PLCG2: variants seen among roughly 807,000 people sequenced by gnomAD.
PLCG2 encodes 1-phosphatidylinositol 4,5-bisphosphate phosphodiesterase gamma-2.
A neutral mutation model predicts 175.6 loss-of-function variants in PLCG2; 69 were observed. That is an observed-to-expected ratio of 0.39 (90% CI 0.32 to 0.48). PLCG2 has a LOEUF of 0.48. PLCG2 is among the 20% of genes least tolerant of loss of function. The pLI, the probability that PLCG2 is intolerant of heterozygous loss-of-function variation, is 0.91. For synonymous variants in PLCG2, 827 were observed against 624.0 expected, an observed-to-expected ratio of 1.33 and a Z score of -4.85; for missense variants, 1,798 against 1,650.9, an observed-to-expected ratio of 1.09 and a Z score of -1.54.
chr16:81,826,273 C>T (rs538336811), intron 2 of PLCG2, among the ~76,000 whole-genome samples: 58 of 152,322 alleles, frequency 3.8e-4, no homozygotes, highest in African/African-American at 1.3e-3. Flanking sequence ...GTGCTTCCCT[C>T]TGCCACGGCA....
intron 1 of PLCG2, among the ~76,000 whole-genome samples, chr16:81,781,599 C>T (rs543627784): frequency 1.4e-4 from 21 of 152,300 alleles, no homozygotes; most frequent in South Asian, 2.1e-4. Context: ...TTTACACTCT[C>T]ACTTGCAGTG....
intron 15 of PLCG2, 82 bp from the exon 16 acceptor site, chr16:81,907,603 G>C: frequency 1.2e-6 from 1 of 869,340 alleles, no homozygotes. Context: ...AGATGCTGGG[G>C]TGACGCCCTG....
At chr16:81,928,971 C>T (rs537504709) in intron 24 of PLCG2, 21 of 246,458 alleles carry the variant, frequency 8.5e-5, no homozygotes, top group African/African-American at 3.0e-4. Context: ...TGAAATGCAG[C>T]GTGGAGTTGG....
At chr16:81,787,135 G>C (rs1911005696) in intron 2 of PLCG2, among the ~76,000 whole-genome samples, 2 of 152,272 alleles carry the variant, frequency 1.3e-5, no homozygotes, top group South Asian at 4.1e-4. Context: ...CAATGTAACA[G>C]TTTAACTCCA....
intron 2 of PLCG2, among the ~76,000 whole-genome samples, chr16:81,793,500 G>C (rs1164685671): frequency 6.6e-6 from 1 of 152,170 alleles, no homozygotes; most frequent in African/African-American, 2.4e-5. Flanking sequence ...TTGAGGGCCT[G>C]GATGCGTCCA....
At chr16:81,923,727 C>G in intron 22 of PLCG2, 133 bp downstream of exon 22, 1 of 576,468 alleles carries the variant, frequency 1.7e-6, no homozygotes, top group East Asian at 2.8e-5. Flanking sequence ...TGTGTTAAGT[C>G]CCTTCTTAGG....
At chr16:81,743,349 T>A (rs1180369597) in intron 1 of PLCG2, among the ~76,000 whole-genome samples, 1 of 152,016 alleles carries the variant, frequency 6.6e-6, no homozygotes, top group African/African-American at 2.4e-5. Context: ...AGACCCTATC[T>A]CAAAAACAAA....
In PLCG2 at chr16:81,921,200, AAG is replaced by A. The variant is rs1302940832; in HGVS notation, c.2242_2243del (p.Asp748TyrfsTer16). The A allele has an allele frequency of 6.4e-7, 1 of 1,573,698 alleles. No homozygotes were observed. Among genetic ancestry groups the A allele is most frequent in the Admixed American group, 1.7e-5 (1 of 59,790 alleles). Reference sequence around the variant, plus strand: ...TCTTTCTTTCTTTTTTTTTCCAGGAAAGAGATATAAACTCCCTCTACGACGTC... The same window carrying A: ...TCTTTCTTTCTTTTTTTTTCCAGGAAAGATATAAACTCCCTCTACGACGTC... ...PELLERYNME[R>X]DINSLYDVSR... On this transcript the variant is annotated frameshift_variant, in exon 21 of 33. Coordinates refer to ENST00000564138, the MANE Select transcript of PLCG2 (RefSeq NM_002661.5). LOFTEE classifies it high-confidence loss of function.
chr16:81,915,458 G>A lies in PLCG2; in HGVS notation c.2054+2742G>A, dbSNP rs549005725. 2.1e-4 allele frequency among the ~76,000 whole-genome samples: 32 copies of A among 152,366 alleles called. 1 individual carries two copies. In the East Asian group the frequency reaches 2.3e-3, roughly 11 times the overall value. On this transcript the variant is annotated intron_variant, in intron 19 of 32. Transcript: ENST00000564138. Reference sequence around the variant, plus strand: ...GAAGCTGAGACCTCAGGCTGTGGCCGTGGCATCCACGCTCCAGGAGGATGG... The same window carrying A: ...GAAGCTGAGACCTCAGGCTGTGGCCATGGCATCCACGCTCCAGGAGGATGG...
chr16:81,777,931 C>T (rs756316394), upstream of PLCG2, among the ~76,000 whole-genome samples: 13 of 149,314 alleles, frequency 8.7e-5, no homozygotes, highest in Non-Finnish European at 1.6e-4. Flanking sequence ...GCAGGAGAAT[C>T]GCTTAAACCT....
chr16:81,796,194 C>G (rs1012920282), intron 2 of PLCG2, among the ~76,000 whole-genome samples: 1 of 152,230 alleles, frequency 6.6e-6, no homozygotes, highest in African/African-American at 2.4e-5. Flanking sequence ...ATGGTGATGT[C>G]TCTTAGACAG....
Position 81,858,219 on chromosome 16 carries a change from C to T in PLCG2, c.338-44C>T, listed in dbSNP as rs190085894. 3.0e-6 allele frequency: 4 copies of T among 1,350,404 alleles called. No homozygotes were observed. The Admixed American group carries it at 5.0e-5, about 17-fold the overall frequency. 83.7% of individuals were successfully genotyped at this position (1,350,404 alleles called of 1,614,324 possible). On this transcript the variant is annotated intron_variant, in intron 3 of 32. Coordinates refer to ENST00000564138, the MANE Select transcript of PLCG2 (RefSeq NM_002661.5). ...GCAGGGCTTTGTAAGCAGACGTCTT[C>T]CCAGGAATTAACACAGCATTTCTGT...
chr16:81,920,184 TAGGCCATTGTA>T (rs1280919097), intron 20 of PLCG2, among the ~76,000 whole-genome samples: 2 of 152,244 alleles, frequency 1.3e-5, no homozygotes, highest in African/African-American at 4.8e-5. Context: ...CAGGGGCTCA[TAGGCCATTGTA>T]AGGCCCTGGC....
At chr16:81,866,023 G>A (rs1415284492) in intron 5 of PLCG2, among the ~76,000 whole-genome samples, 18 of 119,618 alleles carry the variant, frequency 1.5e-4, no homozygotes, top group East Asian at 1.0e-3. Flanking sequence ...TCCCAGGATG[G>A]GCTCCACTGG....
At chr16:81,868,227 G>C (rs1285567121) in intron 5 of PLCG2, among the ~76,000 whole-genome samples, 1 of 152,138 alleles carries the variant, frequency 6.6e-6, no homozygotes, top group Non-Finnish European at 1.5e-5. Context: ...TGAACAATTA[G>C]GCAACTTTAA....
intron 1 of PLCG2, among the ~76,000 whole-genome samples, chr16:81,747,070 G>A (rs1285704266): frequency 6.6e-6 from 1 of 152,168 alleles, no homozygotes; most frequent in Non-Finnish European, 1.5e-5. Flanking sequence ...TCTGGGTCAA[G>A]CATTCTCAAA....
chr16:81,891,479 C>T lies in PLCG2; in HGVS notation c.875C>T (p.Thr292Met), dbSNP rs772003833. Residue 292 changes from threonine to methionine, a missense_variant, in exon 11 of 33, where the codon ACG becomes ATG. Transcript: ENST00000564138. ...EPFLFVDEFL[T>M]YLFSRENSIW... ...CGTGTTTGACTCTTTTAGTTCCTCA[C>T]GTACCTGTTTTCACGAGAAAACAGC... 1.2e-5 allele frequency: 19 copies of T among 1,572,378 alleles called. No individual in the cohort carries two copies. The highest frequency in any genetic ancestry group is 2.7e-5 in the African/African-American group (2 of 74,122).
intron 31 of PLCG2, 78 bp from the exon 32 acceptor site, chr16:81,956,617 C>G (rs916513229): frequency 7.5e-7 from 1 of 1,333,952 alleles, no homozygotes; most frequent in Non-Finnish European, 1.0e-6. Context: ...TTTGGGCATG[C>G]TTGTGAGATG....
chr16:81,935,646 G>A (rs909612834), intron 26 of PLCG2: 118 of 985,272 alleles, frequency 1.2e-4, no homozygotes, highest in South Asian at 6.6e-4. Context: ...GTTGACTGCC[G>A]GGCTATCCCA....
Sources: allele counts gnomAD v4.1 joint callset (sites outside exome capture counted in the v4.1 genomes callset), GRCh38; gene constraint gnomAD v4.1.1; transcripts MANE v1.5; gene names NCBI Gene and HGNC (gene_info 2026-07-23, HGNC 2026-07-21).